The following CDKL2 variants were observed in gnomAD, a reference collection of about 807,000 sequenced individuals.
CDKL2 encodes the protein cyclin-dependent kinase-like 2.
In CDKL2, 64 loss-of-function variants were observed where a neutral mutation model predicts 63.9. The ratio of observed to expected loss-of-function variants is 1.00; its 90% confidence interval spans 0.82 to 1.23. CDKL2 has a LOEUF of 1.23. Ranked by LOEUF, CDKL2 falls within the 50% of genes most tolerant of loss-of-function variation. The probability of loss-of-function intolerance (pLI) is 0.00; values close to 1 mark genes in which losing one functional copy is unlikely to be tolerated. For synonymous variants in CDKL2, 211 were observed against 229.2 expected, an observed-to-expected ratio of 0.92 and a Z score of 0.72; for missense variants, 656 against 668.0, an observed-to-expected ratio of 0.98 and a Z score of 0.20.
chr4:75,621,796 A>G (rs1416582067), intron 2 of CDKL2, among the ~76,000 whole-genome samples: 3 of 152,226 alleles, frequency 2.0e-5, no homozygotes, highest in African/African-American at 4.8e-5. Context: ...CTTTAAGGAA[A>G]ATAAAGGAAG....
At chr4:75,586,687 T>G (rs1175318080) in intron 12 of CDKL2, among the ~76,000 whole-genome samples, 2 of 152,170 alleles carry the variant, frequency 1.3e-5, no homozygotes, top group East Asian at 1.9e-4. Context: ...ATTTTCTCAC[T>G]CTCAAAGAAG....
chr4:75,580,509 T>C (rs941111336), intron 13 of CDKL2, among the ~76,000 whole-genome samples: 5 of 149,356 alleles, frequency 3.3e-5, no homozygotes, highest in Non-Finnish European at 5.9e-5. Flanking sequence ...CTACCAAAAA[T>C]ACAAAAAATT....
intron 12 of CDKL2, among the ~76,000 whole-genome samples, chr4:75,583,915 A>C (rs778552644): frequency 6.6e-6 from 1 of 152,222 alleles, no homozygotes; most frequent in Non-Finnish European, 1.5e-5. Context: ...ACAGAAAACA[A>C]ATAATAAAAA....
At chr4:75,616,465 C>A (rs1183671535) in intron 2 of CDKL2, among the ~76,000 whole-genome samples, 1 of 151,982 alleles carries the variant, frequency 6.6e-6, no homozygotes, top group Admixed American at 6.6e-5. Context: ...GAGTTCAAGA[C>A]CAACCTGGCC....
chr4:75,607,619 C>T (rs767184096), intron 3 of CDKL2, among the ~76,000 whole-genome samples: 2 of 152,128 alleles, frequency 1.3e-5, no homozygotes, highest in Non-Finnish European at 2.9e-5. Context: ...TAATGTACTG[C>T]TCTCAAGACT....
intron 1 of CDKL2, among the ~76,000 whole-genome samples, chr4:75,627,973 T>C (rs1730509566): frequency 6.6e-6 from 1 of 151,050 alleles, no homozygotes; most frequent in Non-Finnish European, 1.5e-5. Flanking sequence ...TATAAGCAGA[T>C]TTTTAAAATT....
In CDKL2 at chr4:75,598,217, A is replaced by AT. The variant is rs747400545; in HGVS notation, c.885-6dup. The AT allele has an allele frequency of 2.2e-6, 3 of 1,380,196 alleles. No individual in the cohort carries two copies. In the East Asian group the frequency reaches 7.3e-5, roughly 34 times the overall value. The allele number at this position is 1,380,196 out of a possible 1,614,324, so 85.5% of individuals were successfully genotyped here. ...AACTGTAGTTCTTGGGAAAACCTAC[A>AT]TAAAAATATAATAAAATAAAATTGT... On this transcript the variant is annotated splice_polypyrimidine_tract_variant and splice_region_variant and intron_variant, in intron 7 of 13. Transcript: ENST00000307465.
intron 3 of CDKL2, among the ~76,000 whole-genome samples, chr4:75,611,458 CAAAAA>C (rs71203834): frequency 3.9e-5 from 3 of 76,730 alleles, no homozygotes; most frequent in African/African-American, 4.9e-5. Flanking sequence ...GATTCTGTCT[CAAAAA>C]AAAAAAAAAA....
intron 2 of CDKL2, among the ~76,000 whole-genome samples, chr4:75,616,411 C>T (rs947795493): frequency 1.3e-5 from 2 of 151,854 alleles, no homozygotes; most frequent in African/African-American, 4.8e-5. Context: ...ACCTGTAATC[C>T]CAGCACTTTG....
At chr4:75,583,777 G>A (rs1013782768) in intron 12 of CDKL2, among the ~76,000 whole-genome samples, 3 of 151,770 alleles carry the variant, frequency 2.0e-5, no homozygotes, top group Non-Finnish European at 2.9e-5. Context: ...TGTAGACTAC[G>A]AAAAATTAGT....
intron 1 of CDKL2, 33 bp downstream of exon 1, chr4:75,630,009 G>A (rs1426313757): frequency 7.2e-6 from 1 of 138,608 alleles, no homozygotes; most frequent in African/African-American, 2.6e-5. Context: ...CAAAGAACGA[G>A]ATAATAGAAG....
Position 75,591,842 on chromosome 4 carries a change from T to A in CDKL2, c.1624A>T (p.Thr542Ser). The change falls in exon 12 of 14, where the codon ACC becomes TCC. Residue 542 changes from threonine to serine, a missense_variant. By Grantham distance (58) the Thr-to-Ser change is moderately conservative. Transcript: ENST00000307465. ...IPSLAAIDLH[T>S]PSITLHQVSG... is the part of the protein sequence containing the mutation. ...ACCTGATGTAATGTAATACTGGGGG[T>A]GTGCAGGTCAATAGCAGCCAGAGAA... 1 of 1,535,438 alleles carries A rather than the reference T, an allele frequency of 6.5e-7. No homozygotes were observed. Among genetic ancestry groups the A allele is most frequent in the Non-Finnish European group, 8.7e-7 (1 of 1,146,414 alleles).
chr4:75,580,075 C>T (rs1728195559), intron 13 of CDKL2, among the ~76,000 whole-genome samples: 1 of 152,136 alleles, frequency 6.6e-6, no homozygotes, highest in African/African-American at 2.4e-5. Context: ...AGTTCAAGAC[C>T]AGCCTAGCCA....
intron 2 of CDKL2, among the ~76,000 whole-genome samples, chr4:75,619,007 C>T (rs72869690): frequency 0.062 from 9,491 of 152,198 alleles, 985 homozygotes; most frequent in African/African-American, 0.22. Flanking sequence ...AAAGAAAACC[C>T]TACCTTAGCC....
chr4:75,581,739 G>T, intron 13 of CDKL2, 71 bp downstream of exon 13: 1 of 744,698 alleles, frequency 1.3e-6, no homozygotes, highest in Non-Finnish European at 2.3e-6. Flanking sequence ...CTGAAAAATT[G>T]GTATTCAGCA....
chr4:75,596,009 GAAGGAAGGAAGGAAGGAAGGAAGA>G (rs1426649761), intron 10 of CDKL2: 34,530 of 150,114 alleles, frequency 0.23, 3,938 homozygotes, highest in Admixed American at 0.27. Flanking sequence ...AGGAAGGAAG[GAAGGAAGGAAGGAAGGAAGGAAGA>G]AAGGAAGGAA....
chr4:75,617,511 CA>C (rs59372857), intron 2 of CDKL2, among the ~76,000 whole-genome samples: 23,359 of 151,742 alleles, frequency 0.15, 2,463 homozygotes, highest in African/African-American at 0.3. Flanking sequence ...TCAAAAAAAC[CA>C]AAAAAACTAA....
At chr4:75,601,446 A>C (rs1297334226) in intron 6 of CDKL2, among the ~76,000 whole-genome samples, 1 of 152,150 alleles carries the variant, frequency 6.6e-6, no homozygotes, top group African/African-American at 2.4e-5. Flanking sequence ...ATTTCTCTGC[A>C]TAACTGTGCT....
intron 3 of CDKL2, among the ~76,000 whole-genome samples, chr4:75,613,129 A>AAAAAAAC (rs1484641964): frequency 6.6e-6 from 1 of 152,002 alleles, no homozygotes; most frequent in East Asian, 1.9e-4. Context: ...CGTTTCAAAA[A>AAAAAAAC]AAAATAGATT....
Sources: gnomAD v4.1 joint callset for allele counts (sites outside exome capture counted in the v4.1 genomes callset) on GRCh38, gnomAD v4.1.1 for gene constraint, MANE v1.5 for transcripts, NCBI Gene and HGNC (gene_info 2026-07-23, HGNC 2026-07-21) for gene names.